Variants in NLRP3 observed in about 807,000 individuals in gnomAD.
NLRP3 encodes the protein NACHT, LRR and PYD domains-containing protein 3.
NLRP3 carries 48 observed loss-of-function variants against 91.3 expected under a neutral mutation model. The observed-to-expected ratio is 0.53, with a 90% CI of 0.42 to 0.67. NLRP3 has a LOEUF of 0.67. NLRP3 is among the 30% of genes least tolerant of loss of function. The probability of loss-of-function intolerance (pLI) is 0.00; values close to 1 mark genes in which losing one functional copy is unlikely to be tolerated. For synonymous variants in NLRP3, 561 were observed against 507.9 expected, an observed-to-expected ratio of 1.10 and a Z score of -1.41; for missense variants, 982 against 1,276.9, an observed-to-expected ratio of 0.77 and a Z score of 3.52.
chr1:247,427,401 G>GA (rs1662970424), intron 4 of NLRP3, among the ~76,000 whole-genome samples: 1 of 152,234 alleles, frequency 6.6e-6, no homozygotes, highest in African/African-American at 2.4e-5. Context: ...AGAGTGAGGT[G>GA]GAAGGTGGAG....
At position 247,424,027 on chromosome 1, in the gene NLRP3, C is replaced by T. The variant is rs76291085; in HGVS notation, c.578C>T (p.Thr193Met). The T allele has an allele frequency of 5.1e-5, 82 of 1,613,878 alleles. 1 individual carries two copies. The highest frequency in any genetic ancestry group is 1.6e-4 in the Middle Eastern group (1 of 6,084). Residue 193 changes from threonine to methionine, a missense_variant, in exon 4 of 10, where the codon ACG becomes ATG. Around this residue, in one of 5 missense-constraint regions of NLRP3, gnomAD observed 548 missense variants for 713.7 expected, o/e 0.77. Transcript: ENST00000336119. This position sits in a 1 kb window ranked among gnomAD's most constrained non-coding sequence, Gnocchi z 8.1. ...CTTCTGGCCATCGGCAAGACCAAGA[C>T]GTGTGAGAGCCCCGTGAGTCCCATT... ...QELLAIGKTK[T>M]CESPVSPIKM...
intron 5 of NLRP3, among the ~76,000 whole-genome samples, chr1:247,432,172 C>T (rs565559096): frequency 7.1e-4 from 108 of 152,342 alleles, no homozygotes; most frequent in African/African-American, 2.4e-3. Context: ...CGTGAGCCAC[C>T]GTGCCCGGCC....
intron 6 of NLRP3, among the ~76,000 whole-genome samples, chr1:247,435,424 G>C (rs906493659): frequency 1.3e-5 from 2 of 152,200 alleles, no homozygotes; most frequent in African/African-American, 4.8e-5. Flanking sequence ...CTACAACATG[G>C]ATGAGCCTCG....
chr1:247,420,716 C>A (rs903728210), intron 2 of NLRP3, among the ~76,000 whole-genome samples: 5 of 145,720 alleles, frequency 3.4e-5, no homozygotes, highest in Non-Finnish European at 7.5e-5. Context: ...GACCCTGTTT[C>A]AAAAAAAAAT....
chr1:247,427,266 G>T (rs542293100), intron 4 of NLRP3, among the ~76,000 whole-genome samples: 2 of 152,296 alleles, frequency 1.3e-5, no homozygotes, highest in East Asian at 3.9e-4. Flanking sequence ...AGGCCCCATC[G>T]CCTGATACGT....
chr1:247,435,736 A>G (rs1336023982), intron 6 of NLRP3, among the ~76,000 whole-genome samples: 1 of 152,238 alleles, frequency 6.6e-6, no homozygotes, highest in Non-Finnish European at 1.5e-5. Flanking sequence ...GTATTTTACC[A>G]CAATAAAGCT....
At chr1:247,420,694 G>C (rs1662392897) in intron 2 of NLRP3, among the ~76,000 whole-genome samples, 1 of 152,080 alleles carries the variant, frequency 6.6e-6, no homozygotes, top group African/African-American at 2.4e-5. Context: ...TCCAGCCTGG[G>C]CTAAAGAGCA....
In NLRP3 at chr1:247,418,744, C is replaced by G. The variant is rs762200962; in HGVS notation, c.-57C>G. ...ACTCATCCGTGTGCCGTGTTCACTG[C>G]CTGGTATCTTAGTGTGGACCGAAGC... is the stretch of plus-strand genomic sequence containing the variant. On this transcript the variant is annotated 5_prime_UTR_variant, in exon 2 of 10. Coordinates refer to ENST00000336119, the MANE Select transcript of NLRP3 (RefSeq NM_001243133.2). 1 of 1,607,204 alleles carries G rather than the reference C, an allele frequency of 6.2e-7. No individual in the cohort carries two copies. The highest frequency in any genetic ancestry group is 8.5e-7 in the Non-Finnish European group (1 of 1,175,490).
chr1:247,448,379 C>A (rs768091292), intron 9 of NLRP3, 26 bp from the exon 10 acceptor site: 2 of 1,336,994 alleles, frequency 1.5e-6, no homozygotes, highest in Non-Finnish European at 2.2e-6. Context: ...AAGAGTGCAA[C>A]CCAGGCTTTC....
At chr1:247,434,365 T>C in intron 6 of NLRP3, 92 bp downstream of exon 6, 1 of 1,402,184 alleles carries the variant, frequency 7.1e-7, no homozygotes, top group East Asian at 2.3e-5. Context: ...GGGGTTTGAG[T>C]GAGAATGGCC....
intron 6 of NLRP3, among the ~76,000 whole-genome samples, chr1:247,435,295 A>G (rs1417450942): frequency 6.6e-6 from 1 of 152,204 alleles, no homozygotes; most frequent in Non-Finnish European, 1.5e-5. Flanking sequence ...ATCTATGTCC[A>G]TAGCAACACT....
At chr1:247,421,742 C>T (rs749575752) in intron 2 of NLRP3, among the ~76,000 whole-genome samples, 4 of 152,138 alleles carry the variant, frequency 2.6e-5, no homozygotes, top group Non-Finnish European at 4.4e-5. Flanking sequence ...ACCACTACAC[C>T]GTCTTTGCTT....
chr1:247,418,195 T>G lies in NLRP3; in HGVS notation c.-606T>G, dbSNP rs1410878421. 1 of 160,512 alleles carries G rather than the reference T, an allele frequency of 6.2e-6. No individual in the cohort carries two copies. The highest frequency in any genetic ancestry group is 1.4e-5 in the Non-Finnish European group (1 of 72,588). The allele number at this position is 160,512 out of a possible 1,614,324, so 9.9% of individuals were successfully genotyped here. A position where few individuals can be genotyped will look rare whatever the true frequency, so the allele number is the denominator to read the frequency against. On this transcript the variant is annotated 5_prime_UTR_variant, in exon 2 of 10. Coordinates refer to ENST00000336119, the MANE Select transcript of NLRP3 (RefSeq NM_001243133.2). ...ACCGTAAACTGTAATACAATCCTGTTTATGGATTTGTTTGCATATTTTTCC... is the reference window on the plus strand; with the variant it reads ...ACCGTAAACTGTAATACAATCCTGTGTATGGATTTGTTTGCATATTTTTCC...
At chr1:247,446,285 G>T (rs960928865) in intron 9 of NLRP3, among the ~76,000 whole-genome samples, 1 of 152,208 alleles carries the variant, frequency 6.6e-6, no homozygotes, top group African/African-American at 2.4e-5. Context: ...CATTCTGACA[G>T]GTCACCCTGC....
chr1:247,419,553 C>T lies in NLRP3; in HGVS notation c.277+476C>T, dbSNP rs142402252. Among the ~76,000 whole-genome samples the T allele has an allele frequency of 7.1e-3, 1,077 of 152,302 alleles. 12 individuals are homozygous for T. Among genetic ancestry groups the T allele is most frequent in the African/African-American group, 0.025 (1,043 of 41,556 alleles). The stretch of plus-strand genomic sequence containing the variant: ...TTCATCTTGCAAAACTGAAACTCCT[C>T]ACCCATTGAATGATAACTCCTCATT... On this transcript the variant is annotated intron_variant, in intron 2 of 9. Coordinates refer to ENST00000336119, the MANE Select transcript of NLRP3 (RefSeq NM_001243133.2).
rs201471268 is a variant in NLRP3 at position 247,418,752 on chromosome 1, C to T, written c.-49C>T. Reference sequence around the variant, plus strand: ...GTGTGCCGTGTTCACTGCCTGGTATCTTAGTGTGGACCGAAGCCTAAGGAC... The same window carrying T: ...GTGTGCCGTGTTCACTGCCTGGTATTTTAGTGTGGACCGAAGCCTAAGGAC... On this transcript the variant is annotated 5_prime_UTR_variant, in exon 2 of 10. Coordinates refer to ENST00000336119, the MANE Select transcript of NLRP3 (RefSeq NM_001243133.2). The T allele has an allele frequency of 1.2e-6, 2 of 1,611,322 alleles. No individual in the cohort carries two copies. The highest frequency in any genetic ancestry group is 2.7e-5 in the African/African-American group (2 of 74,848).
intron 9 of NLRP3, among the ~76,000 whole-genome samples, chr1:247,447,055 G>A (rs773633610): frequency 5.9e-5 from 9 of 152,282 alleles, no homozygotes; most frequent in Non-Finnish European, 1.2e-4. Flanking sequence ...TGAGGGACAG[G>A]CTCAAAATAG....
At chr1:247,440,572 T>G (rs1035350956) in intron 7 of NLRP3, among the ~76,000 whole-genome samples, 45 of 152,310 alleles carry the variant, frequency 3.0e-4, no homozygotes, top group African/African-American at 1.0e-3. Context: ...GCACTCCATT[T>G]TGAGTCATAT....
At chr1:247,433,431 A>G (rs1222417329) in intron 5 of NLRP3, among the ~76,000 whole-genome samples, 2 of 152,296 alleles carry the variant, frequency 1.3e-5, no homozygotes, top group Non-Finnish European at 2.9e-5. Context: ...CGCCCGCTTC[A>G]CTTACAAACC....
Sources: gnomAD v4.1 joint callset for allele counts (sites outside exome capture counted in the v4.1 genomes callset) on GRCh38, gnomAD v4.1.1 for gene constraint, gnomAD v4.1.1 regional missense constraint, Gnocchi (gnomAD v3.1) non-coding constraint, MANE v1.5 for transcripts, NCBI Gene and HGNC (gene_info 2026-07-23, HGNC 2026-07-21) for gene names.